The following TRPC1 variants were observed in gnomAD, a reference collection of about 807,000 sequenced individuals.
TRPC1 encodes the protein short transient receptor potential channel 1.
In TRPC1, 42 loss-of-function variants were observed where a neutral mutation model predicts 88.2. That is an observed-to-expected ratio of 0.48 (90% CI 0.37 to 0.62). The LOEUF is 0.62. Among genes scored for constraint, TRPC1 ranks in the 20% least tolerant of loss-of-function variants. The pLI is 0.00. For synonymous variants in TRPC1, 288 were observed against 331.8 expected (o/e 0.87, Z 1.43); for missense variants, 699 against 957.3 (o/e 0.73, Z 3.56).
At position 142,743,485 on chromosome 3, in the gene TRPC1, T is replaced by G. The variant is rs555963836; in HGVS notation, c.328T>G (p.Ser110Ala). 6.8e-5 allele frequency: 102 copies of G among 1,490,176 alleles called. 1 individual carries two copies. In the East Asian group the frequency reaches 2.1e-3, roughly 31 times the overall value. The allele number at this position is 1,490,176 out of a possible 1,614,324, so 92.3% of individuals were successfully genotyped here. The change falls in exon 3 of 13, where the codon TCT (serine) becomes GCT (alanine). Residue 110 changes from serine to alanine, a missense_variant and splice_region_variant. By Grantham distance (99) the Ser-to-Ala change is moderately conservative. This residue lies in a region of TRPC1 where 426 missense variants were observed against 641.3 expected (regional missense o/e 0.66). Transcript: ENST00000476941. ...TTTTTAACTTTTTTTTTTTTTGAAG[T>G]CTGCAGATGCACTTTTGGTGGCAAT... ...LQLLLDYGCQSADALLVAIDS... is the reference protein window; with the variant it reads ...LQLLLDYGCQAADALLVAIDS...
At chr3:142,774,900 A>G (rs1272460863) in intron 4 of TRPC1, among the ~76,000 whole-genome samples, 5 of 152,186 alleles carry the variant, frequency 3.3e-5, no homozygotes, top group Non-Finnish European at 5.9e-5. Flanking sequence ...CAATCTTTTC[A>G]TTCCACCATT....
At chr3:142,737,265 G>A (rs1274996775) in intron 2 of TRPC1, among the ~76,000 whole-genome samples, 1 of 150,628 alleles carries the variant, frequency 6.6e-6, no homozygotes, top group Non-Finnish European at 1.5e-5. Flanking sequence ...GTGACATCAG[G>A]AGACATTCAC....
chr3:142,768,521 T>C lies in TRPC1; in HGVS notation c.633-9111T>C, dbSNP rs564788569. Among the ~76,000 whole-genome samples the C allele has an allele frequency of 1.5e-3, 223 of 152,278 alleles. 1 individual carries two copies. Among genetic ancestry groups the C allele is most frequent in the African/African-American group, 5.3e-3 (221 of 41,580 alleles). ...TGGACAGTGTACTATTGGATCTTGC[T>C]TTTTATCTACTTTGACAGTTTTTGC... is the stretch of plus-strand genomic sequence containing the variant. On this transcript the variant is annotated intron_variant, in intron 4 of 12. Coordinates refer to ENST00000476941, the MANE Select transcript of TRPC1 (RefSeq NM_001251845.2).
intron 4 of TRPC1, among the ~76,000 whole-genome samples, chr3:142,775,575 C>T (rs956351396): frequency 3.3e-5 from 5 of 151,926 alleles, no homozygotes; most frequent in African/African-American, 1.2e-4. Context: ...GCAAAAGTTG[C>T]GCTGCTGCAC....
intron 9 of TRPC1, chr3:142,793,890 C>T: frequency 1.0e-6 from 1 of 985,298 alleles, no homozygotes; most frequent in Non-Finnish European, 1.2e-6. Context: ...TAGGCTTGTG[C>T]TGTCATCCAG....
chr3:142,761,263 G>T (rs955192168), intron 4 of TRPC1, among the ~76,000 whole-genome samples: 8 of 151,856 alleles, frequency 5.3e-5, no homozygotes, highest in African/African-American at 1.9e-4. Context: ...TTTTTTGGTT[G>T]TTGTTGTTGT....
chr3:142,727,208 A>G (rs1341141873), intron 1 of TRPC1, among the ~76,000 whole-genome samples: 2 of 152,230 alleles, frequency 1.3e-5, no homozygotes, highest in Admixed American at 6.5e-5. Flanking sequence ...GTAAAAAGCA[A>G]GCATGGTACT....
At chr3:142,731,155 T>C (rs979466708) in intron 1 of TRPC1, among the ~76,000 whole-genome samples, 1 of 152,140 alleles carries the variant, frequency 6.6e-6, no homozygotes, top group Admixed American at 6.5e-5. Context: ...TAGGACTCAC[T>C]AAATTGATTT....
At position 142,780,916 on chromosome 3, in the gene TRPC1, G is replaced by A; in HGVS notation, c.847G>A (p.Glu283Lys). Reference sequence around the variant, plus strand: ...ACAAGCCCGGAATTCTCGTGAATTGGAAGTTATTCTAAACCATACGTCTAG... The same window carrying A: ...ACAAGCCCGGAATTCTCGTGAATTGAAAGTTATTCTAAACCATACGTCTAG... ...LAQARNSREL[E>K]VILNHTSSDE... The change falls in exon 6 of 13, where the codon GAA becomes AAA. Residue 283 changes from glutamate (E) to lysine (K), a missense_variant. Transcript: ENST00000476941. The A allele has an allele frequency of 6.2e-7, 1 of 1,613,904 alleles. No individual in the cohort carries two copies. The highest frequency in any genetic ancestry group is 8.5e-7 in the Non-Finnish European group (1 of 1,179,850).
intron 4 of TRPC1, among the ~76,000 whole-genome samples, chr3:142,773,728 G>A (rs544612272): frequency 1.4e-5 from 2 of 146,730 alleles, no homozygotes; most frequent in African/African-American, 5.1e-5. Context: ...TCTTTCCTGG[G>A]GCTTGTTATT....
intron 9 of TRPC1, chr3:142,793,840 G>A: frequency 2.0e-6 from 2 of 984,148 alleles, no homozygotes; most frequent in Non-Finnish European, 2.4e-6. Context: ...CTCCAAACAG[G>A]GATATGAAAA....
At position 142,802,324 on chromosome 3, in the gene TRPC1, A is replaced by C. The variant is rs771728634; in HGVS notation, c.1737A>C (p.Gln579His). ...GTGTAGGCATCTTCTGTGAACAGCA[A>C]AGCAATGATACCTTCCATTCGTGAG... ...KDCVGIFCEQQSNDTFHSFIG... is the reference protein window; with the variant it reads ...KDCVGIFCEQHSNDTFHSFIG... Residue 579 changes from glutamine (Q) to histidine (H), a missense_variant, in exon 10 of 13, where the codon CAA (glutamine) becomes CAC (histidine). Physicochemically the swap from Gln to His is conservative, Grantham distance 24. Transcript: ENST00000476941. 33 of 1,466,116 alleles carry C rather than the reference A, an allele frequency of 2.3e-5. No homozygotes were observed. The highest frequency in any genetic ancestry group is 1.8e-6 in the Non-Finnish European group (2 of 1,110,274). The allele number at this position is 1,466,116 out of a possible 1,614,324, so 90.8% of individuals were successfully genotyped here. A position where few individuals can be genotyped will look rare whatever the true frequency, so the allele number is the denominator to read the frequency against.
chr3:142,798,666 A>T (rs529475938), intron 9 of TRPC1, among the ~76,000 whole-genome samples: 1 of 152,302 alleles, frequency 6.6e-6, no homozygotes, highest in African/African-American at 2.4e-5. Context: ...GCTAAAAAAG[A>T]CAGGCTGGGC....
rs1225161455 is a variant in TRPC1 at position 142,724,766 on chromosome 3, C to T, written c.172+35C>T. On this transcript the variant is annotated intron_variant, in intron 1 of 12. Coordinates refer to ENST00000476941, the MANE Select transcript of TRPC1 (RefSeq NM_001251845.2). The surrounding 1 kb of genome is among the most constrained non-coding windows in gnomAD (Gnocchi z 5.6). Reference sequence around the variant, plus strand: ...AGGCCCCTTTCTCCTCTGGACGCCCCTGTCCTCCAGACCTTTAGTCCTCTC... The same window carrying T: ...AGGCCCCTTTCTCCTCTGGACGCCCTTGTCCTCCAGACCTTTAGTCCTCTC... 3.9e-6 allele frequency: 6 copies of T among 1,521,830 alleles called. No homozygotes were observed. Among genetic ancestry groups the T allele is most frequent in the African/African-American group, 2.8e-5 (2 of 70,852 alleles). The allele number at this position is 1,521,830 out of a possible 1,614,324, so 94.3% of individuals were successfully genotyped here.
chr3:142,776,193 G>A lies in TRPC1; in HGVS notation c.633-1439G>A, dbSNP rs892014678. Among the ~76,000 whole-genome samples the A allele has an allele frequency of 2.6e-5, 4 of 152,056 alleles. No individual in the cohort carries two copies. The highest frequency in any genetic ancestry group is 9.7e-5 in the African/African-American group (4 of 41,412). ...TCCTTTATTATGTCTGATTATGTTC[G>A]TGTGTGAGTAGAAAATATCAGGGAG... On this transcript the variant is annotated intron_variant, in intron 4 of 12. Transcript: ENST00000476941. The surrounding 1 kb of genome is among the most constrained non-coding windows in gnomAD (Gnocchi z 4.1).
At position 142,777,672 on chromosome 3, in the gene TRPC1, CTAA is replaced by C; in HGVS notation, c.678_680del (p.Ile226del). 1 of 1,612,646 alleles carries C rather than the reference CTAA, an allele frequency of 6.2e-7. No homozygotes were observed. Among genetic ancestry groups the C allele is most frequent in the South Asian group, 1.1e-5 (1 of 90,860 alleles). ...ATATCGATGTTTGGCCAGTCCAGCTCTAATAATGTTAACAGAGGAGGATCCAAT... is the reference window on the plus strand; with the variant it reads ...ATATCGATGTTTGGCCAGTCCAGCTCTAATGTTAACAGAGGAGGATCCAAT... On this transcript the variant is annotated inframe_deletion, in exon 5 of 13. Transcript: ENST00000476941.
intron 4 of TRPC1, among the ~76,000 whole-genome samples, chr3:142,756,680 T>G (rs547555171): frequency 1.3e-5 from 2 of 152,182 alleles, no homozygotes; most frequent in Non-Finnish European, 2.9e-5. Context: ...GTTCTAATTC[T>G]GCCACATACT....
intron 12 of TRPC1, among the ~76,000 whole-genome samples, chr3:142,805,177 T>A (rs1271114565): frequency 6.7e-6 from 1 of 149,212 alleles, no homozygotes; most frequent in African/African-American, 2.5e-5. Flanking sequence ...CACATATAAT[T>A]ATTAAGAATG....
chr3:142,775,795 T>A (rs1935748944), intron 4 of TRPC1, among the ~76,000 whole-genome samples: 1 of 152,190 alleles, frequency 6.6e-6, no homozygotes, highest in Non-Finnish European at 1.5e-5. Flanking sequence ...CATGAAAAGA[T>A]GCTCAGGCAT....
Sources: gnomAD v4.1 joint callset for allele counts (sites outside exome capture counted in the v4.1 genomes callset) on GRCh38, gnomAD v4.1.1 for gene constraint, gnomAD v4.1.1 regional missense constraint, Gnocchi (gnomAD v3.1) non-coding constraint, MANE v1.5 for transcripts, NCBI Gene and HGNC (gene_info 2026-07-23, HGNC 2026-07-21) for gene names.